TRAPPC9: variants seen among roughly 807,000 people sequenced by gnomAD.
The protein encoded by TRAPPC9 is trafficking protein particle complex subunit 9.
A neutral mutation model predicts 124.0 loss-of-function variants in TRAPPC9; 83 were observed. The observed-to-expected ratio is 0.67, with a 90% CI of 0.56 to 0.80. TRAPPC9 has a LOEUF of 0.80. TRAPPC9 is among the 30% of genes least tolerant of loss of function. The pLI is 0.00. For missense variants in TRAPPC9, 1,302 were observed against 1,508.3 expected (o/e 0.86, Z 2.27); for synonymous variants, 638 against 617.5 (o/e 1.03, Z -0.49).
intron 5 of TRAPPC9, among the ~76,000 whole-genome samples, chr8:140,410,727 C>A (rs540218970): frequency 1.3e-5 from 2 of 151,912 alleles, no homozygotes; most frequent in Non-Finnish European, 2.9e-5. Flanking sequence ...CCTGTAGTCC[C>A]AGCTACTCGG....
chr8:140,412,115 A>G (rs73356484), intron 5 of TRAPPC9, among the ~76,000 whole-genome samples: 4,928 of 152,214 alleles, frequency 0.032, 259 homozygotes, highest in African/African-American at 0.11. Context: ...ACTCCATCAG[A>G]CTCCACTTTA....
At chr8:140,220,677 C>T (rs2063319202) in intron 17 of TRAPPC9, among the ~76,000 whole-genome samples, 1 of 152,228 alleles carries the variant, frequency 6.6e-6, no homozygotes, top group Non-Finnish European at 1.5e-5. Context: ...TCCAATGCCT[C>T]AAAGTCCACT....
chr8:140,340,172 T>C (rs1191869665), intron 9 of TRAPPC9, among the ~76,000 whole-genome samples: 2 of 152,142 alleles, frequency 1.3e-5, no homozygotes, highest in East Asian at 1.9e-4. Context: ...TTAAACTAAA[T>C]TGGTCAGTTA....
At chr8:140,017,269 G>T (rs905079276) in intron 18 of TRAPPC9, among the ~76,000 whole-genome samples, 1 of 152,142 alleles carries the variant, frequency 6.6e-6, no homozygotes, top group Admixed American at 6.5e-5. Context: ...ATGGTTAGCA[G>T]TTTCCGGCCC....
At chr8:140,274,490 G>A (rs963168643) in intron 15 of TRAPPC9, among the ~76,000 whole-genome samples, 9 of 152,288 alleles carry the variant, frequency 5.9e-5, no homozygotes, top group East Asian at 3.9e-4. Context: ...TAGACAATGC[G>A]GACGCAAAGC....
intron 21 of TRAPPC9, among the ~76,000 whole-genome samples, chr8:139,771,417 T>C (rs966560808): frequency 6.6e-6 from 1 of 152,106 alleles, no homozygotes; most frequent in African/African-American, 2.4e-5. Context: ...TGTATGCCAG[T>C]TGAAGCCAGG....
At chr8:139,773,976 A>G (rs368549641) in intron 21 of TRAPPC9, among the ~76,000 whole-genome samples, 2 of 152,220 alleles carry the variant, frequency 1.3e-5, no homozygotes, top group African/African-American at 4.8e-5. Context: ...GACCCTACGA[A>G]GGAAAGCCAG....
At chr8:139,755,125 C>T (rs550578867) in intron 21 of TRAPPC9, among the ~76,000 whole-genome samples, 16 of 152,360 alleles carry the variant, frequency 1.1e-4, no homozygotes, top group African/African-American at 2.6e-4. Flanking sequence ...CTCCGAGCCT[C>T]GTCTGCCCCA....
intron 11 of TRAPPC9, among the ~76,000 whole-genome samples, chr8:140,297,092 G>A (rs1243764893): frequency 6.6e-6 from 1 of 152,248 alleles, no homozygotes; most frequent in Non-Finnish European, 1.5e-5. Flanking sequence ...AGTGAGGACA[G>A]GATTTGTACA....
At chr8:139,780,315 A>G (rs1404705878) in intron 21 of TRAPPC9, among the ~76,000 whole-genome samples, 1 of 152,220 alleles carries the variant, frequency 6.6e-6, no homozygotes, top group Non-Finnish European at 1.5e-5. Flanking sequence ...GAAATAGATC[A>G]ATGGACCAGA....
chr8:140,088,046 A>G (rs1209206839), intron 17 of TRAPPC9, among the ~76,000 whole-genome samples: 1 of 151,944 alleles, frequency 6.6e-6, no homozygotes, highest in Non-Finnish European at 1.5e-5. Context: ...CTCAGGACAA[A>G]TGCTACCTCC....
In TRAPPC9 at chr8:139,729,180, T is replaced by A. The variant is rs150971287; in HGVS notation, c.*1881A>T. 6.6e-6 allele frequency among the ~76,000 whole-genome samples: 1 copy of A among 152,234 alleles called. No homozygotes were observed. The highest frequency in any genetic ancestry group is 1.5e-5 in the Non-Finnish European group (1 of 68,046). ...GTCACTCTTCTACAGGGGATGTGTATCCTTTCTACCTTTTAAACATGTTGT... is the reference window on the plus strand; with the variant it reads ...GTCACTCTTCTACAGGGGATGTGTAACCTTTCTACCTTTTAAACATGTTGT... On this transcript the variant is annotated 3_prime_UTR_variant, in exon 23 of 23. Coordinates refer to ENST00000438773, the MANE Select transcript of TRAPPC9 (RefSeq NM_001160372.4).
chr8:139,925,903 C>T (rs1034635659), intron 19 of TRAPPC9, among the ~76,000 whole-genome samples: 7 of 152,030 alleles, frequency 4.6e-5, no homozygotes, highest in Middle Eastern at 3.2e-3. Context: ...ATGGGAAAGC[C>T]GTGAAATGAG....
At chr8:140,227,193 G>A (rs1356635083) in intron 16 of TRAPPC9, among the ~76,000 whole-genome samples, 3 of 152,072 alleles carry the variant, frequency 2.0e-5, no homozygotes, top group Non-Finnish European at 2.9e-5. Flanking sequence ...ATAAGATGTC[G>A]TGAGCAGGGA....
chr8:140,081,504 C>T (rs542879811), intron 17 of TRAPPC9, among the ~76,000 whole-genome samples: 9 of 152,138 alleles, frequency 5.9e-5, no homozygotes, highest in Admixed American at 5.2e-4. Context: ...CACCACCACA[C>T]CCAGCTAATT....
Position 139,812,151 on chromosome 8 carries a change from T to C in TRAPPC9, c.3055+73728A>G, listed in dbSNP as rs148418489. 8.4e-3 allele frequency among the ~76,000 whole-genome samples: 1,280 copies of C among 152,228 alleles called. 18 individuals carry two copies. The highest frequency in any genetic ancestry group is 0.029 in the African/African-American group (1,207 of 41,506). On this transcript the variant is annotated intron_variant, in intron 21 of 22. Transcript: ENST00000438773. ...ATTGAGAGGAATTTTGTGGTTCTGATGGAAAGTTCAAGAAAAATTAGCGTC... is the reference window on the plus strand; with the variant it reads ...ATTGAGAGGAATTTTGTGGTTCTGACGGAAAGTTCAAGAAAAATTAGCGTC...
At chr8:140,281,187 T>G (rs2065310720) in intron 14 of TRAPPC9, among the ~76,000 whole-genome samples, 1 of 152,222 alleles carries the variant, frequency 6.6e-6, no homozygotes, top group African/African-American at 2.4e-5. Flanking sequence ...ATGGTAAACT[T>G]ATGTGTAACT....
intron 17 of TRAPPC9, among the ~76,000 whole-genome samples, chr8:140,157,481 G>C (rs1302840618): frequency 6.6e-6 from 1 of 152,230 alleles, no homozygotes; most frequent in East Asian, 1.9e-4. Context: ...ATGACGAAAT[G>C]AGTGCAGGGG....
chr8:140,020,916 C>G (rs888317436), intron 18 of TRAPPC9, among the ~76,000 whole-genome samples: 11 of 152,132 alleles, frequency 7.2e-5, no homozygotes, highest in African/African-American at 2.7e-4. Context: ...AAAGTCTAAC[C>G]GTTTGATATT....
Sources: gnomAD v4.1 joint callset for allele counts (sites outside exome capture counted in the v4.1 genomes callset) on GRCh38, gnomAD v4.1.1 for gene constraint, MANE v1.5 for transcripts, NCBI Gene and HGNC (gene_info 2026-07-23, HGNC 2026-07-21) for gene names.